SUPT16H: variants seen among roughly 807,000 people sequenced by gnomAD.
The protein encoded by SUPT16H is SPT16 homolog, facilitates chromatin remodeling subunit.
SUPT16H carries 24 observed loss-of-function variants against 136.2 expected under a neutral mutation model. The ratio of observed to expected loss-of-function variants is 0.18; its 90% CI spans 0.13 to 0.25. The LOEUF is 0.25. Among genes scored for constraint, SUPT16H ranks in the 10% least tolerant of loss-of-function variants. The pLI is 1.00. For synonymous variants in SUPT16H, 415 were observed against 428.2 expected, an observed-to-expected ratio of 0.97 and a Z score of 0.38; for missense variants, 623 against 1,270.2, an observed-to-expected ratio of 0.49 and a Z score of 7.74.
At chr14:21,378,207 A>C (rs1886946244) in intron 1 of SUPT16H, among the ~76,000 whole-genome samples, 1 of 152,210 alleles carries the variant, frequency 6.6e-6, no homozygotes, top group African/African-American at 2.4e-5. Flanking sequence ...CTTAAGAAAC[A>C]GAAGAAAATT....
At chr14:21,362,400 A>G in intron 14 of SUPT16H, 76 bp from the exon 15 acceptor site, 1 of 1,452,286 alleles carries the variant, frequency 6.9e-7, no homozygotes, top group Non-Finnish European at 9.3e-7. Context: ...GTTAAAATTA[A>G]GTTAGGAGTT....
intron 1 of SUPT16H, among the ~76,000 whole-genome samples, chr14:21,381,562 G>T (rs1286162209): frequency 1.4e-5 from 2 of 144,992 alleles, no homozygotes; most frequent in Non-Finnish European, 1.5e-5. Flanking sequence ...AGTCATAACA[G>T]TTTTTTTTTT....
chr14:21,369,724 A>T, intron 5 of SUPT16H, 26 bp downstream of exon 5: 1 of 1,613,224 alleles, frequency 6.2e-7, no homozygotes, highest in Non-Finnish European at 8.5e-7. Flanking sequence ...TTAAAACAGT[A>T]AAAAGACCCT....
chr14:21,353,570 A>G lies in SUPT16H; in HGVS notation c.2921-5T>C. 2.5e-6 allele frequency: 4 copies of G among 1,613,464 alleles called. No homozygotes were observed. Among genetic ancestry groups the G allele is most frequent in the Non-Finnish European group, 3.4e-6 (4 of 1,179,824 alleles). On this transcript the variant is annotated splice_region_variant and splice_polypyrimidine_tract_variant and intron_variant, in intron 24 of 25. Coordinates refer to ENST00000216297, the MANE Select transcript of SUPT16H (RefSeq NM_007192.4). ...CCAATGACTCCTTAGAATAGTCTGG[A>G]AGAAAATTAATTAAGCGTTAGTCAT...
At chr14:21,362,983 G>C in intron 13 of SUPT16H, 36 bp from the exon 14 acceptor site, 1 of 1,613,338 alleles carries the variant, frequency 6.2e-7, no homozygotes, top group Non-Finnish European at 8.5e-7. Flanking sequence ...AGAAATTTCT[G>C]CAGTCCCACA....
At chr14:21,379,045 G>T (rs140348275) in intron 1 of SUPT16H, among the ~76,000 whole-genome samples, 123 of 152,282 alleles carry the variant, frequency 8.1e-4, no homozygotes, top group African/African-American at 2.9e-3. Context: ...TCTGGTTGTA[G>T]CTAAATACCC....
chr14:21,372,159 G>T, intron 2 of SUPT16H, 115 bp from the exon 3 acceptor site: 1 of 1,224,830 alleles, frequency 8.2e-7, no homozygotes. Flanking sequence ...TTAACTCCAA[G>T]GTAATCAGGC....
intron 25 of SUPT16H, 60 bp from the exon 26 acceptor site, chr14:21,352,878 G>A (rs1332598520): frequency 3.1e-6 from 5 of 1,607,346 alleles, no homozygotes; most frequent in Non-Finnish European, 4.3e-6. Flanking sequence ...TAATATTACT[G>A]GATAGCATGA....
Position 21,354,461 on chromosome 14 carries a change from C to T in SUPT16H, c.2740G>A (p.Glu914Lys). 2 of 1,614,206 alleles carry T rather than the reference C, an allele frequency of 1.2e-6. No homozygotes were observed. Among genetic ancestry groups the T allele is most frequent in the South Asian group, 2.2e-5 (2 of 91,082 alleles). ...KIMKTIVDDPEGFFEQGGWSF... is the reference protein window; with the variant it reads ...KIMKTIVDDPKGFFEQGGWSF... The stretch of plus-strand genomic sequence containing the variant: ...CAGCCACCTTGTTCGAAGAAGCCCT[C>T]AGGGTCATCAACAATGGTCTTCATG... Residue 914 changes from glutamate (E) to lysine (K), a missense_variant, in exon 23 of 26, where the codon GAG (glutamate) becomes AAG (lysine). This residue lies in a region of SUPT16H where 74 missense variants were observed against 193.8 expected (regional missense o/e 0.38). Transcript: ENST00000216297.
chr14:21,375,676 C>G (rs1176298401), intron 1 of SUPT16H, among the ~76,000 whole-genome samples: 3 of 152,222 alleles, frequency 2.0e-5, no homozygotes, highest in Non-Finnish European at 4.4e-5. Context: ...TCACTGCAAC[C>G]TCCGTCTCCT....
intron 1 of SUPT16H, among the ~76,000 whole-genome samples, chr14:21,377,670 T>C (rs1422963279): frequency 2.0e-5 from 3 of 151,684 alleles, no homozygotes; most frequent in African/African-American, 4.8e-5. Flanking sequence ...GTTGCCCAGG[T>C]TGGAGTGCAA....
chr14:21,355,654 T>TC (rs1413468837), intron 22 of SUPT16H, among the ~76,000 whole-genome samples: 1 of 152,108 alleles, frequency 6.6e-6, no homozygotes, highest in African/African-American at 2.4e-5. Context: ...AAATTTTTTT[T>TC]CCCAGTACCT....
intron 1 of SUPT16H, 22 bp downstream of exon 1, chr14:21,383,840 A>G (rs746848338): frequency 6.2e-6 from 10 of 1,614,026 alleles, no homozygotes; most frequent in South Asian, 3.3e-5. Flanking sequence ...CTCCCTAGGA[A>G]AAATTACAGG....
At position 21,363,262 on chromosome 14, in the gene SUPT16H, G is replaced by A. The variant is rs1368047680; in HGVS notation, c.1366C>T (p.Arg456Trp). ...GTTCTTTCTGTAAGTAATGCTGCCC[G>A]AGAACCTCTTCCCAAAAGGTCCTCT... Reference protein sequence around the residue: ...EAEDLLGRGSRAALLTERTRN... With the variant: ...EAEDLLGRGSWAALLTERTRN... Residue 456 changes from arginine (R) to tryptophan (W), a missense_variant, in exon 12 of 26, where the codon CGG becomes TGG. Transcript: ENST00000216297. 7.4e-6 allele frequency: 12 copies of A among 1,613,732 alleles called. No homozygotes were observed. The highest frequency in any genetic ancestry group is 1.7e-5 in the Admixed American group (1 of 59,978).
At chr14:21,355,354 A>AG (rs1886405205) in intron 22 of SUPT16H, among the ~76,000 whole-genome samples, 1 of 151,944 alleles carries the variant, frequency 6.6e-6, no homozygotes, top group Non-Finnish European at 1.5e-5. Flanking sequence ...TTAGCCAGGC[A>AG]TGGTAGCACG....
chr14:21,376,245 C>T (rs969148771), intron 1 of SUPT16H, among the ~76,000 whole-genome samples: 10 of 152,110 alleles, frequency 6.6e-5, no homozygotes, highest in South Asian at 4.1e-4. Flanking sequence ...AGGCCAGTAC[C>T]GTGATGTTTT....
intron 10 of SUPT16H, 100 bp downstream of exon 10, chr14:21,364,727 T>TTAGC: frequency 1.0e-6 from 1 of 975,560 alleles, no homozygotes; most frequent in East Asian, 2.5e-5. Flanking sequence ...ATTCTTCCCC[T>TTAGC]TAGCTAGCAT....
chr14:21,380,035 T>C (rs1416816329), intron 1 of SUPT16H, among the ~76,000 whole-genome samples: 1 of 152,240 alleles, frequency 6.6e-6, no homozygotes, highest in Admixed American at 6.5e-5. Context: ...TCCTTATCTG[T>C]GGATTCAACT....
chr14:21,376,381 T>C (rs74592139), intron 1 of SUPT16H, among the ~76,000 whole-genome samples: 2,025 of 152,202 alleles, frequency 0.013, 45 homozygotes, highest in African/African-American at 0.047. Flanking sequence ...TGACTTCCCC[T>C]ATAAAGTCAA....
Sources: allele counts gnomAD v4.1 joint callset (sites outside exome capture counted in the v4.1 genomes callset), GRCh38; gene constraint gnomAD v4.1.1; regional missense constraint gnomAD v4.1.1; transcripts MANE v1.5; gene names NCBI Gene and HGNC (gene_info 2026-07-23, HGNC 2026-07-21).